The following ASIC2 variants were observed in gnomAD, a reference collection of about 807,000 sequenced individuals.
ASIC2 encodes acid-sensing ion channel 2.
ASIC2 carries 25 observed loss-of-function variants against 57.3 expected under a neutral mutation model. The ratio of observed to expected loss-of-function variants is 0.44; its 90% CI spans 0.32 to 0.61. The LOEUF (loss-of-function observed/expected upper bound fraction) is 0.61, where lower values mean the gene tolerates loss of function less well. Ranked by LOEUF, ASIC2 falls within the 20% of genes least tolerant of loss-of-function variation. ASIC2 has a pLI of 0.06. For missense variants in ASIC2, 641 were observed against 738.1 expected (o/e 0.87, Z 1.52); for synonymous variants, 319 against 307.5 (o/e 1.04, Z -0.39).
intron 1 of ASIC2, among the ~76,000 whole-genome samples, chr17:33,865,454 C>G (rs890937110): frequency 6.6e-6 from 1 of 152,174 alleles, no homozygotes; most frequent in Non-Finnish European, 1.5e-5. Context: ...CTGCCAGGTA[C>G]AGCCACTATT....
At chr17:34,087,608 T>G (rs1910159603) in intron 1 of ASIC2, among the ~76,000 whole-genome samples, 1 of 152,164 alleles carries the variant, frequency 6.6e-6, no homozygotes, top group Admixed American at 6.5e-5. Flanking sequence ...TTGGGGAAGT[T>G]CTCCTGGATA....
intron 3 of ASIC2, among the ~76,000 whole-genome samples, chr17:33,071,994 A>G (rs988700400): frequency 7.2e-5 from 11 of 152,098 alleles, no homozygotes; most frequent in Admixed American, 1.3e-4. Flanking sequence ...GCCTACCCCA[A>G]TGAGGAATAT....
intron 1 of ASIC2, among the ~76,000 whole-genome samples, chr17:33,498,735 G>A (rs542588132): frequency 6.6e-5 from 10 of 152,298 alleles, no homozygotes; most frequent in East Asian, 1.9e-4. Context: ...ATGATACCAC[G>A]TGGAAAGTGC....
At chr17:33,342,617 C>T (rs1162108351) in intron 1 of ASIC2, among the ~76,000 whole-genome samples, 1 of 152,120 alleles carries the variant, frequency 6.6e-6, no homozygotes, top group Non-Finnish European at 1.5e-5. Flanking sequence ...CACATTATGA[C>T]ACGACTGATT....
chr17:33,595,268 CT>C (rs953990795), intron 1 of ASIC2, among the ~76,000 whole-genome samples: 24 of 152,174 alleles, frequency 1.6e-4, no homozygotes, highest in African/African-American at 5.3e-4. Context: ...AAAACCAGGT[CT>C]GTCTGACCTG....
intron 1 of ASIC2, among the ~76,000 whole-genome samples, chr17:33,215,751 A>G (rs372925575): frequency 9.8e-4 from 149 of 151,872 alleles, no homozygotes; most frequent in Non-Finnish European, 1.4e-3. Flanking sequence ...CCAGGCTGGA[A>G]TGCAGTGGCG....
chr17:33,434,108 T>C (rs563133114), intron 1 of ASIC2, among the ~76,000 whole-genome samples: 2 of 151,126 alleles, frequency 1.3e-5, no homozygotes, highest in African/African-American at 4.9e-5. Context: ...TTACGAGACC[T>C]CCTCTCAAAA....
At chr17:33,783,202 T>A (rs1911509560) in intron 1 of ASIC2, among the ~76,000 whole-genome samples, 3 of 152,238 alleles carry the variant, frequency 2.0e-5, no homozygotes, top group Non-Finnish European at 4.4e-5. Context: ...TTCACCTGAA[T>A]CTAAGCTATG....
intron 1 of ASIC2, among the ~76,000 whole-genome samples, chr17:33,675,957 C>G (rs1446205853): frequency 1.3e-5 from 2 of 152,200 alleles, no homozygotes; most frequent in Non-Finnish European, 2.9e-5. Context: ...AATCCAGCGT[C>G]AAGCAAGACT....
At chr17:33,924,167 A>G (rs1467442077) in intron 1 of ASIC2, among the ~76,000 whole-genome samples, 1 of 152,192 alleles carries the variant, frequency 6.6e-6, no homozygotes, top group African/African-American at 2.4e-5. Flanking sequence ...GCCCCTAATA[A>G]ATGGCATTTG....
intron 1 of ASIC2, among the ~76,000 whole-genome samples, chr17:33,892,404 G>A (rs966113564): frequency 2.0e-5 from 3 of 152,120 alleles, no homozygotes; most frequent in African/African-American, 7.2e-5. Flanking sequence ...AAGTGCAAAG[G>A]CCCTGATGCA....
At chr17:33,814,909 C>G (rs1355853913) in intron 1 of ASIC2, among the ~76,000 whole-genome samples, 1 of 152,028 alleles carries the variant, frequency 6.6e-6, no homozygotes, top group African/African-American at 2.4e-5. Flanking sequence ...CTCCCAATGT[C>G]TAGTATATAG....
chr17:33,434,868 C>T (rs1458540574), intron 1 of ASIC2, among the ~76,000 whole-genome samples: 1 of 152,132 alleles, frequency 6.6e-6, no homozygotes, highest in Non-Finnish European at 1.5e-5. Flanking sequence ...TACAAAAGTT[C>T]AGAGGACAAT....
chr17:33,594,920 T>C (rs1417284019), intron 1 of ASIC2, among the ~76,000 whole-genome samples: 2 of 152,028 alleles, frequency 1.3e-5, no homozygotes, highest in African/African-American at 2.4e-5. Flanking sequence ...CAATTTTTTT[T>C]TGAAAAAGTA....
chr17:34,145,671 C>T (rs1196141256), intron 1 of ASIC2, among the ~76,000 whole-genome samples: 1 of 152,198 alleles, frequency 6.6e-6, no homozygotes, highest in African/African-American at 2.4e-5. Flanking sequence ...CTATGATTGC[C>T]TTCGAAGTGT....
intron 1 of ASIC2, among the ~76,000 whole-genome samples, chr17:33,319,068 C>T (rs1487423144): frequency 6.6e-6 from 1 of 152,106 alleles, no homozygotes; most frequent in African/African-American, 2.4e-5. Context: ...AGTTTGAGAC[C>T]AGCCTGACCA....
chr17:33,322,125 T>C (rs914565820), intron 1 of ASIC2, among the ~76,000 whole-genome samples: 3 of 152,206 alleles, frequency 2.0e-5, no homozygotes, highest in African/African-American at 7.2e-5. Flanking sequence ...CTTGAACACG[T>C]GGGAGTGGAG....
At chr17:33,246,130 G>A (rs1329227967) in intron 1 of ASIC2, among the ~76,000 whole-genome samples, 2 of 152,018 alleles carry the variant, frequency 1.3e-5, no homozygotes, top group Non-Finnish European at 2.9e-5. Flanking sequence ...ATCCAGGCAA[G>A]AAGTCAAGTA....
At chr17:33,477,226 C>T (rs1230581045) in intron 1 of ASIC2, among the ~76,000 whole-genome samples, 1 of 152,136 alleles carries the variant, frequency 6.6e-6, no homozygotes, top group Admixed American at 6.5e-5. Flanking sequence ...CAAAATATCA[C>T]CAAATTTCTC....
Sources: allele counts gnomAD v4.1 joint callset (sites outside exome capture counted in the v4.1 genomes callset), GRCh38; gene constraint gnomAD v4.1.1; transcripts MANE v1.5; gene names NCBI Gene and HGNC (gene_info 2026-07-23, HGNC 2026-07-21).